Variants in CADM2 observed in about 807,000 individuals in gnomAD.
CADM2 encodes cell adhesion molecule 2, also known as immunoglobulin superfamily member 4D.
Under a neutral mutation model 49.8 loss-of-function variants are expected in CADM2, and 12 were observed. The ratio of observed to expected loss-of-function variants is 0.24; its 90% CI spans 0.15 to 0.39. CADM2 has a LOEUF of 0.39. Among genes scored for constraint, CADM2 ranks in the 10% least tolerant of loss-of-function variants. CADM2 has a pLI of 1.00. For missense variants in CADM2, 378 were observed against 492.3 expected (o/e 0.77, Z 2.20); for synonymous variants, 214 against 175.4 (o/e 1.22, Z -1.74).
intron 1 of CADM2, among the ~76,000 whole-genome samples, chr3:85,610,499 A>G (rs1184794322): frequency 1.3e-5 from 2 of 151,958 alleles, no homozygotes; most frequent in Non-Finnish European, 2.9e-5. Context: ...TGAATAAACA[A>G]TAATAATAGC....
intron 1 of CADM2, among the ~76,000 whole-genome samples, chr3:85,478,661 T>C (rs1374277426): frequency 6.6e-6 from 1 of 151,940 alleles, no homozygotes; most frequent in African/African-American, 2.4e-5. Flanking sequence ...CCTTATAATG[T>C]TTTATTGAAA....
chr3:85,742,181 A>G (rs2068418400), intron 2 of CADM2, among the ~76,000 whole-genome samples: 2 of 152,242 alleles, frequency 1.3e-5, no homozygotes, highest in Non-Finnish European at 2.9e-5. Context: ...TTAGAGGCTT[A>G]GACATTGGTC....
In CADM2 at chr3:86,066,947, T is replaced by C; in HGVS notation, c.*164T>C. The C allele has an allele frequency of 1.6e-6, 1 of 624,086 alleles. No individual in the cohort carries two copies. The highest frequency in any genetic ancestry group is 1.9e-5 in the South Asian group (1 of 53,172). 38.7% of individuals were successfully genotyped at this position (624,086 alleles called of 1,614,324 possible). On this transcript the variant is annotated 3_prime_UTR_variant, in exon 10 of 10. Transcript: ENST00000383699. ...TACCAACAATCAGCTGTTGAAAGCA[T>C]CATTCTTTAATTACTGTACCATCCA...
intron 3 of CADM2, among the ~76,000 whole-genome samples, chr3:85,815,119 A>G (rs2073133375): frequency 6.6e-6 from 1 of 152,158 alleles, no homozygotes; most frequent in Non-Finnish European, 1.5e-5. Context: ...CTACAAACTG[A>G]AAAAGTCCAG....
chr3:85,827,982 A>G (rs2074002396), intron 3 of CADM2: 1 of 151,934 alleles, frequency 6.6e-6, no homozygotes, highest in South Asian at 2.1e-4. Context: ...GGCAGAATAG[A>G]GAAGTACACA....
intron 2 of CADM2, among the ~76,000 whole-genome samples, chr3:85,762,495 C>T (rs1482476749): frequency 1.3e-5 from 2 of 151,882 alleles, no homozygotes; most frequent in Non-Finnish European, 2.9e-5. Context: ...CCATTCTCTG[C>T]CAAGCCTTCC....
chr3:85,964,643 A>G (rs1725250863), intron 8 of CADM2, among the ~76,000 whole-genome samples: 1 of 151,694 alleles, frequency 6.6e-6, no homozygotes. Flanking sequence ...CCAGTCTAAA[A>G]TTTATCCTCA....
In CADM2 at chr3:85,307,259, T is replaced by A. The variant is rs570812394; in HGVS notation, c.61+347591T>A. Among the ~76,000 whole-genome samples the A allele has an allele frequency of 2.6e-5, 4 of 151,738 alleles. No individual in the cohort carries two copies. In the East Asian group the frequency reaches 7.7e-4, roughly 29 times the overall value. On this transcript the variant is annotated intron_variant, in intron 1 of 9. Coordinates refer to ENST00000383699, the MANE Select transcript of CADM2 (RefSeq NM_001167675.2). ...CTAAAAGCTTCAGGATTTTGTGTTATGCTTGGTCATATTCTTAAAATAAAA... is the reference window on the plus strand; with the variant it reads ...CTAAAAGCTTCAGGATTTTGTGTTAAGCTTGGTCATATTCTTAAAATAAAA...
chr3:85,961,528 TTG>T lies in CADM2; in HGVS notation c.854_855del (p.Val285GlufsTer3). On this transcript the variant is annotated frameshift_variant, in exon 8 of 10. Transcript: ENST00000383699. LOFTEE classifies it high-confidence loss of function. ...GAATTACCAGATCCTGACCGAATGG[TTG>T]TGAGTGGTAGGGAGCTAAACATTCT... 1 of 1,609,194 alleles carries T rather than the reference TTG, an allele frequency of 6.2e-7. No individual in the cohort carries two copies. Among genetic ancestry groups the T allele is most frequent in the Non-Finnish European group, 8.5e-7 (1 of 1,176,592 alleles).
chr3:84,998,781 G>T (rs1333707067), intron 1 of CADM2, among the ~76,000 whole-genome samples: 1 of 152,112 alleles, frequency 6.6e-6, no homozygotes, highest in Non-Finnish European at 1.5e-5. Flanking sequence ...CAGAGGCTCA[G>T]ATTTGCTAAT....
intron 5 of CADM2, among the ~76,000 whole-genome samples, chr3:85,886,791 C>T (rs1293613440): frequency 6.6e-6 from 1 of 152,014 alleles, no homozygotes; most frequent in Non-Finnish European, 1.5e-5. Flanking sequence ...TGTTAATTCT[C>T]ACAAAAGGCA....
chr3:85,835,184 G>T (rs995938856), intron 3 of CADM2, among the ~76,000 whole-genome samples: 1 of 151,478 alleles, frequency 6.6e-6, no homozygotes, highest in Non-Finnish European at 1.5e-5. Flanking sequence ...TTTTGCTAGG[G>T]TTGCCTTTCC....
At chr3:85,987,693 A>G (rs1728283047) in intron 8 of CADM2, among the ~76,000 whole-genome samples, 1 of 146,644 alleles carries the variant, frequency 6.8e-6, no homozygotes. Flanking sequence ...ATAAAATAAT[A>G]TAATAAAAAT....
chr3:85,061,601 A>G (rs572204035), intron 1 of CADM2, among the ~76,000 whole-genome samples: 1 of 152,086 alleles, frequency 6.6e-6, no homozygotes, highest in Non-Finnish European at 1.5e-5. Context: ...CTGTGAACCA[A>G]TTACAGTTGA....
chr3:85,229,531 C>T (rs1209944143), intron 1 of CADM2, among the ~76,000 whole-genome samples: 3 of 152,192 alleles, frequency 2.0e-5, no homozygotes, highest in African/African-American at 7.2e-5. Flanking sequence ...CACCTGCCTT[C>T]TGCATGGATA....
intron 1 of CADM2, among the ~76,000 whole-genome samples, chr3:85,320,204 C>T (rs187224599): frequency 6.6e-6 from 1 of 152,274 alleles, no homozygotes; most frequent in Admixed American, 6.5e-5. Flanking sequence ...GTTAAACATC[C>T]TACAAAGGTT....
intron 1 of CADM2, among the ~76,000 whole-genome samples, chr3:85,216,241 C>T (rs946142772): frequency 6.1e-5 from 9 of 147,734 alleles, no homozygotes; most frequent in Non-Finnish European, 1.0e-4. Context: ...ATTTTTGGAG[C>T]TATAGACTAT....
intron 1 of CADM2, among the ~76,000 whole-genome samples, chr3:85,433,767 G>C (rs1460326429): frequency 6.6e-6 from 1 of 152,054 alleles, no homozygotes; most frequent in Non-Finnish European, 1.5e-5. Flanking sequence ...AGAGATACGA[G>C]TCTAACTTTC....
intron 7 of CADM2, among the ~76,000 whole-genome samples, chr3:85,948,289 C>T (rs902359663): frequency 3.3e-5 from 5 of 151,224 alleles, no homozygotes; most frequent in African/African-American, 1.2e-4. Context: ...TAGTCTATTG[C>T]TCTAAGGCTA....
Sources: allele counts gnomAD v4.1 joint callset (sites outside exome capture counted in the v4.1 genomes callset), GRCh38; gene constraint gnomAD v4.1.1; transcripts MANE v1.5; gene names NCBI Gene and HGNC (gene_info 2026-07-23, HGNC 2026-07-21).